The following GNA11 variants were observed in gnomAD, a reference collection of about 807,000 sequenced individuals.
The protein encoded by GNA11 is G protein subunit alpha 11.
A neutral mutation model predicts 38.2 loss-of-function variants in GNA11; 8 were observed. The observed-to-expected ratio is 0.21, with a 90% CI of 0.12 to 0.38. The LOEUF is 0.38. GNA11 is among the 10% of genes least tolerant of loss of function. The pLI, the probability that GNA11 is intolerant of heterozygous loss-of-function variation, is 1.00. For synonymous variants in GNA11, 211 were observed against 221.4 expected (o/e 0.95, Z 0.42); for missense variants, 268 against 516.3 (o/e 0.52, Z 4.66).
In GNA11 at chr19:3,108,053, A is replaced by G. The variant is rs1913679222; in HGVS notation, c.137-2096A>G. On this transcript the variant is annotated intron_variant, in intron 1 of 6. Transcript: ENST00000078429. The surrounding 1 kb of genome is among the most constrained non-coding windows in gnomAD (Gnocchi z 4.5). Reference sequence around the variant, plus strand: ...ATTTTCTTTCTTCTGAAAAGGACTCAGGGTGTTTGAGAAAAGTACTGGGGA... The same window carrying G: ...ATTTTCTTTCTTCTGAAAAGGACTCGGGGTGTTTGAGAAAAGTACTGGGGA... 6.6e-6 allele frequency among the ~76,000 whole-genome samples: 1 copy of G among 152,182 alleles called. No homozygotes were observed. Among genetic ancestry groups the G allele is most frequent in the Non-Finnish European group, 1.5e-5 (1 of 68,022 alleles).
intron 1 of GNA11, among the ~76,000 whole-genome samples, chr19:3,096,815 G>T (rs1913382404): frequency 6.6e-6 from 1 of 152,178 alleles, no homozygotes; most frequent in Admixed American, 6.5e-5. Context: ...TGAGGAAGAT[G>T]TGAGCTCACG....
rs920871840 is a variant in GNA11 at position 3,120,134 on chromosome 19, G to C, written c.889+775G>C. On this transcript the variant is annotated intron_variant, in intron 6 of 6. Transcript: ENST00000078429. This position sits in a 1 kb window ranked among gnomAD's most constrained non-coding sequence, Gnocchi z 5.9. ...TCTGTGCTCCTCCCGTGAGTCTCGG[G>C]TGTCATCTTCGGGAGGGCCCCTCAG... 6.6e-6 allele frequency among the ~76,000 whole-genome samples: 1 copy of C among 152,114 alleles called. No individual in the cohort carries two copies. Among genetic ancestry groups the C allele is most frequent in the Non-Finnish European group, 1.5e-5 (1 of 67,994 alleles).
rs112246351 is a variant in GNA11, at chr19:3,120,275, C to T, written c.890-714C>T. Among the ~76,000 whole-genome samples, 413 of 150,928 alleles carry T rather than the reference C, an allele frequency of 2.7e-3. 1 individual carries two copies. The highest frequency in any genetic ancestry group is 9.5e-3 in the African/African-American group (390 of 41,192). On this transcript the variant is annotated intron_variant, in intron 6 of 6. Coordinates refer to ENST00000078429, the MANE Select transcript of GNA11 (RefSeq NM_002067.5). This position sits in a 1 kb window ranked among gnomAD's most constrained non-coding sequence, Gnocchi z 5.9. ...CCCTGGGCAGGGGAGTGGCGGGGGG[C>T]GCTGCACCTGCTCCAGCCGCACGTG...
chr19:3,120,780 G>T lies in GNA11; in HGVS notation c.890-209G>T, dbSNP rs1257049359. On this transcript the variant is annotated intron_variant, in intron 6 of 6. Coordinates refer to ENST00000078429, the MANE Select transcript of GNA11 (RefSeq NM_002067.5). The surrounding 1 kb of genome is among the most constrained non-coding windows in gnomAD (Gnocchi z 5.9). ...CAGGTTGGAGGCCTGGGCCGTGACA[G>T]TAGTGCCCTGGGGCTACAGTGGGAT... 6.6e-6 allele frequency among the ~76,000 whole-genome samples: 1 copy of T among 152,134 alleles called. No homozygotes were observed. Among genetic ancestry groups the T allele is most frequent in the Non-Finnish European group, 1.5e-5 (1 of 67,990 alleles).
chr19:3,118,888 G>A lies in GNA11; in HGVS notation c.606-36G>A, dbSNP rs191674809. On this transcript the variant is annotated intron_variant, in intron 4 of 6. Transcript: ENST00000078429. ...GGGATTGCAGATTGGGCCTTGGGGC[G>A]CCAGGTGGCTGAGTCCTGGCGCTGT... 412 of 1,600,484 alleles carry A rather than the reference G, an allele frequency of 2.6e-4. No homozygotes were observed. In the African/African-American group the frequency reaches 3.7e-3, roughly 14 times the overall value.
At chr19:3,118,885 G>A (rs1206602732) in intron 4 of GNA11, 39 bp from the exon 5 acceptor site, 1 of 1,599,000 alleles carries the variant, frequency 6.3e-7, no homozygotes, top group Non-Finnish European at 8.5e-7. Flanking sequence ...TGGGCCTTGG[G>A]GCGCCAGGTG....
rs1913307380 is a variant in GNA11 at position 3,094,475 on chromosome 19, G to T, written c.-177G>T. On this transcript the variant is annotated 5_prime_UTR_variant, in exon 1 of 7. Transcript: ENST00000078429. The surrounding 1 kb of genome is among the most constrained non-coding windows in gnomAD (Gnocchi z 6.0). ...TCCGCGGCTGGCGCGGCCCGAGCGG[G>T]GACCCGGCGGCTCGCCAGGCGGCGG... 1 of 147,240 alleles carries T rather than the reference G, an allele frequency of 6.8e-6. No homozygotes were observed. The highest frequency in any genetic ancestry group is 2.5e-5 in the African/African-American group (1 of 40,766). The allele number at this position is 147,240 out of a possible 1,614,324, so 9.1% of individuals were successfully genotyped here.
rs770729214 is a variant in GNA11 at position 3,110,246 on chromosome 19, C to T, written c.234C>T (p.Leu78=). The T allele has an allele frequency of 1.5e-4, 240 of 1,613,870 alleles. No homozygotes were observed. Among genetic ancestry groups the T allele is most frequent in the Admixed American group, 8.3e-4 (50 of 59,992 alleles). The change falls in exon 2 of 7, where the codon CTC becomes CTT. Residue 78 remains leucine, a synonymous_variant. Coordinates refer to ENST00000078429, the MANE Select transcript of GNA11 (RefSeq NM_002067.5). This position sits in a 1 kb window ranked among gnomAD's most constrained non-coding sequence, Gnocchi z 5.4. ...SEEDKRGFTK[L]VYQNIFTAMQ... is the part of the protein sequence containing the mutation. The stretch of plus-strand genomic sequence containing the variant: ...AGGACAAGCGCGGCTTCACCAAGCT[C>T]GTCTACCAGAACATCTTCACCGCCA...
At position 3,110,563 on chromosome 19, in the gene GNA11, C is replaced by T. The variant is rs956463447; in HGVS notation, c.321+230C>T. 6.6e-6 allele frequency among the ~76,000 whole-genome samples: 1 copy of T among 152,186 alleles called. No individual in the cohort carries two copies. The highest frequency in any genetic ancestry group is 2.4e-5 in the African/African-American group (1 of 41,452). On this transcript the variant is annotated intron_variant, in intron 2 of 6. Transcript: ENST00000078429. This position sits in a 1 kb window ranked among gnomAD's most constrained non-coding sequence, Gnocchi z 5.4. ...TTGCGTGGCCAAGCCCCACAGCCTC[C>T]CTCCCAAGTAGCTGTGGGCGCCCAC...
Position 3,110,583 on chromosome 19 carries a change from G to A in GNA11, c.321+250G>A, listed in dbSNP as rs1478608971. ...GCCTCCCTCCCAAGTAGCTGTGGGC[G>A]CCCACATCCTGTGGGTGGGGAAGCT... On this transcript the variant is annotated intron_variant, in intron 2 of 6. Coordinates refer to ENST00000078429, the MANE Select transcript of GNA11 (RefSeq NM_002067.5). The surrounding 1 kb of genome is among the most constrained non-coding windows in gnomAD (Gnocchi z 5.4). 1.3e-5 allele frequency among the ~76,000 whole-genome samples: 2 copies of A among 152,158 alleles called. No individual in the cohort carries two copies. The highest frequency in any genetic ancestry group is 2.1e-4 in the South Asian group (1 of 4,828).
At chr19:3,103,708 AT>A (rs971990837) in intron 1 of GNA11, among the ~76,000 whole-genome samples, 396 of 139,604 alleles carry the variant, frequency 2.8e-3, no homozygotes, top group Non-Finnish European at 3.7e-3. Context: ...TTTTTTGTAA[AT>A]TTTTTTTTTT....
intron 2 of GNA11, among the ~76,000 whole-genome samples, chr19:3,111,396 C>T (rs574494637): frequency 2.0e-5 from 3 of 152,210 alleles, no homozygotes; most frequent in African/African-American, 7.2e-5. Context: ...CTGAACATTT[C>T]ATAGAAATGG....
intron 1 of GNA11, among the ~76,000 whole-genome samples, chr19:3,098,828 C>G (rs1415538380): frequency 1.3e-5 from 2 of 152,186 alleles, no homozygotes; most frequent in Non-Finnish European, 2.9e-5. Context: ...CCTTGACTTC[C>G]CAAGCCCGAG....
chr19:3,096,061 G>T (rs768699431), intron 1 of GNA11, among the ~76,000 whole-genome samples: 2 of 152,176 alleles, frequency 1.3e-5, no homozygotes, highest in Non-Finnish European at 2.9e-5. Flanking sequence ...TGCGTGAGAG[G>T]CAGCGGTGAC....
intron 2 of GNA11, among the ~76,000 whole-genome samples, 194 bp from the exon 3 acceptor site, chr19:3,113,136 C>T (rs368837309): frequency 2.6e-5 from 4 of 152,250 alleles, no homozygotes; most frequent in African/African-American, 9.6e-5. Context: ...GGGCCTTGTT[C>T]GGAGGAACCA....
rs565708441 is a variant in GNA11, at chr19:3,097,695, T to C, written c.136+2908T>C. Among the ~76,000 whole-genome samples, 197 of 152,348 alleles carry C rather than the reference T, an allele frequency of 1.3e-3. 1 individual carries two copies. Among genetic ancestry groups the C allele is most frequent in the African/African-American group, 4.6e-3 (191 of 41,586 alleles). The stretch of plus-strand genomic sequence containing the variant: ...GGGGGACCTTACGGAGCCCTAGAGC[T>C]GGACGGGGCTCCGGCTGCCGTGCCG... On this transcript the variant is annotated intron_variant, in intron 1 of 6. Coordinates refer to ENST00000078429, the MANE Select transcript of GNA11 (RefSeq NM_002067.5).
Position 3,110,457 on chromosome 19 carries a change from G to C in GNA11, c.321+124G>C. The C allele has an allele frequency of 2.8e-6, 2 of 703,438 alleles. No individual in the cohort carries two copies. The highest frequency in any genetic ancestry group is 2.4e-6 in the Non-Finnish European group (1 of 419,510). 43.6% of individuals were successfully genotyped at this position (703,438 alleles called of 1,614,324 possible). On this transcript the variant is annotated intron_variant, in intron 2 of 6. Coordinates refer to ENST00000078429, the MANE Select transcript of GNA11 (RefSeq NM_002067.5). The surrounding 1 kb of genome is among the most constrained non-coding windows in gnomAD (Gnocchi z 5.4). ...TCCCGGCCGGCCCAGGCTACCCCTGGTCATCCATCCGTTCCTGTCATGGAC... is the reference window on the plus strand; with the variant it reads ...TCCCGGCCGGCCCAGGCTACCCCTGCTCATCCATCCGTTCCTGTCATGGAC...
rs1464891203 is a variant in GNA11 at position 3,120,442 on chromosome 19, G to A, written c.890-547G>A. ...AGGGGCCTTTCCACCGGGGCAGGCA[G>A]GAGTTACTGGGCGGGTCGCCTGCAT... On this transcript the variant is annotated intron_variant, in intron 6 of 6. Transcript: ENST00000078429. This position sits in a 1 kb window ranked among gnomAD's most constrained non-coding sequence, Gnocchi z 5.9. Among the ~76,000 whole-genome samples, 1 of 152,030 alleles carries A rather than the reference G, an allele frequency of 6.6e-6. No individual in the cohort carries two copies. The highest frequency in any genetic ancestry group is 1.5e-5 in the Non-Finnish European group (1 of 67,946).
At chr19:3,102,463 C>T (rs977169442) in intron 1 of GNA11, among the ~76,000 whole-genome samples, 1 of 152,208 alleles carries the variant, frequency 6.6e-6, no homozygotes, top group Non-Finnish European at 1.5e-5. Flanking sequence ...TCTCTCAGGG[C>T]GCCCCCTTGT....
Sources: gnomAD v4.1 joint callset for allele counts (sites outside exome capture counted in the v4.1 genomes callset) on GRCh38, gnomAD v4.1.1 for gene constraint, Gnocchi (gnomAD v3.1) non-coding constraint, MANE v1.5 for transcripts, NCBI Gene and HGNC (gene_info 2026-07-23, HGNC 2026-07-21) for gene names.